The following PPP2R2B variants were observed in gnomAD, a reference collection of about 807,000 sequenced individuals.
PPP2R2B encodes serine/threonine-protein phosphatase 2A 55 kDa regulatory subunit B beta isoform.
Under a neutral mutation model 46.0 loss-of-function variants are expected in PPP2R2B, and 5 were observed. That is an observed-to-expected ratio of 0.11 (90% CI 0.06 to 0.23). The LOEUF (loss-of-function observed/expected upper bound fraction) is 0.23. PPP2R2B is among the 10% of genes least tolerant of loss of function. PPP2R2B has a pLI of 1.00. For missense variants in PPP2R2B, 367 were observed against 575.0 expected (o/e 0.64, Z 3.70); for synonymous variants, 215 against 206.7 (o/e 1.04, Z -0.34).
intron 5 of PPP2R2B, among the ~76,000 whole-genome samples, chr5:146,680,779 A>G (rs1778117899): frequency 6.6e-6 from 1 of 152,234 alleles, no homozygotes; most frequent in East Asian, 1.9e-4. Flanking sequence ...TTACAAGAGC[A>G]TGACCCACCT....
At chr5:147,076,540 ATTGT>A (rs1410398542) in intron 2 of PPP2R2B, among the ~76,000 whole-genome samples, 1 of 152,194 alleles carries the variant, frequency 6.6e-6, no homozygotes, top group Non-Finnish European at 1.5e-5. Context: ...CTGAGAATAT[ATTGT>A]TTAAGTAATC....
intron 2 of PPP2R2B, among the ~76,000 whole-genome samples, chr5:146,748,087 C>T (rs896029683): frequency 6.6e-6 from 1 of 152,158 alleles, no homozygotes; most frequent in Non-Finnish European, 1.5e-5. Context: ...AGCATTGTAA[C>T]TGCATGACCT....
upstream of PPP2R2B, among the ~76,000 whole-genome samples, chr5:147,058,861 G>A (rs888079855): frequency 2.0e-5 from 3 of 152,108 alleles, no homozygotes; most frequent in Non-Finnish European, 4.4e-5. Context: ...TTATCCACAG[G>A]AGATCTCATA....
At chr5:146,816,940 T>G (rs1338679963) in intron 2 of PPP2R2B, among the ~76,000 whole-genome samples, 3 of 152,226 alleles carry the variant, frequency 2.0e-5, no homozygotes, top group Admixed American at 6.5e-5. Flanking sequence ...CAGATTTCTA[T>G]CAATGCTGTC....
chr5:146,698,648 G>A (rs1483268874), intron 3 of PPP2R2B, among the ~76,000 whole-genome samples: 1 of 151,812 alleles, frequency 6.6e-6, no homozygotes, highest in Non-Finnish European at 1.5e-5. Flanking sequence ...AGGTAGGGTG[G>A]GGCAAGGAAA....
At chr5:146,757,495 G>T (rs1262924465) in intron 2 of PPP2R2B, among the ~76,000 whole-genome samples, 1 of 152,124 alleles carries the variant, frequency 6.6e-6, no homozygotes, top group Non-Finnish European at 1.5e-5. Context: ...AGGAAAATGG[G>T]TGGAAGGCGA....
chr5:146,682,510 C>T (rs1561829287), intron 5 of PPP2R2B, among the ~76,000 whole-genome samples: 1 of 152,176 alleles, frequency 6.6e-6, no homozygotes, highest in African/African-American at 2.4e-5. Flanking sequence ...AAAAATATGG[C>T]TGTGCCACTT....
chr5:146,754,292 C>T (rs1369128344), intron 2 of PPP2R2B, among the ~76,000 whole-genome samples: 1 of 152,168 alleles, frequency 6.6e-6, no homozygotes, highest in Non-Finnish European at 1.5e-5. Context: ...ATTGCTGTGT[C>T]ATCTGCAGAA....
intron 2 of PPP2R2B, among the ~76,000 whole-genome samples, chr5:146,795,025 T>C (rs887178797): frequency 2.0e-5 from 3 of 152,144 alleles, no homozygotes; most frequent in Non-Finnish European, 4.4e-5. Flanking sequence ...AATCACATTA[T>C]ATTAAATACT....
At position 146,697,964 on chromosome 5, in the gene PPP2R2B, A is replaced by C; in HGVS notation, c.334+15T>G. The C allele has an allele frequency of 6.2e-7, 1 of 1,600,250 alleles. No individual in the cohort carries two copies. Among genetic ancestry groups the C allele is most frequent in the Non-Finnish European group, 8.5e-7 (1 of 1,174,270 alleles). ...GACTGTATCTCTGAAAATACCAAAC[A>C]GGAATTCCACCTACCATTAGTAGAC... On this transcript the variant is annotated intron_variant, in intron 4 of 9. Transcript: ENST00000394411.
At chr5:146,814,978 G>A (rs903243941) in intron 2 of PPP2R2B, among the ~76,000 whole-genome samples, 5 of 152,186 alleles carry the variant, frequency 3.3e-5, no homozygotes, top group Admixed American at 6.5e-5. Context: ...TGAGGTTGCT[G>A]TAGACCTGTA....
intron 5 of PPP2R2B, among the ~76,000 whole-genome samples, chr5:146,676,852 G>T (rs545985402): frequency 2.6e-5 from 4 of 152,190 alleles, no homozygotes; most frequent in Non-Finnish European, 4.4e-5. Flanking sequence ...AGAAACCGAG[G>T]TGGTGCTTAT....
chr5:147,069,785 G>GTTTTTTTTTTTTTTTTTTTTTTT lies in PPP2R2B; in HGVS notation c.50+11251_50+11273dup, dbSNP rs540998224. 3.7e-4 allele frequency among the ~76,000 whole-genome samples: 24 copies of GTTTTTTTTTTTTTTTTTTTTTTT among 64,790 alleles called. 7 individuals carry two copies. The highest frequency in any genetic ancestry group is 1.4e-3 in the African/African-American group (19 of 13,262). The allele number at this position is 64,790 out of a possible 152,430, so 42.5% of individuals were successfully genotyped here. On this transcript the variant is annotated intron_variant, in intron 2 of 10. Transcript: ENST00000394413. ...CTCCCACATGAACACATTTTATACT[G>GTTTTTTTTTTTTTTTTTTTTTTT]TTTTTTTTTTTTTTTTTTTTTTTGA...
intron 2 of PPP2R2B, among the ~76,000 whole-genome samples, chr5:146,728,599 T>C (rs1752028734): frequency 1.3e-5 from 2 of 152,162 alleles, no homozygotes; most frequent in South Asian, 2.1e-4. Flanking sequence ...GTGTCCCCAC[T>C]GAAATCTCAA....
chr5:146,703,516 T>C (rs1185513389), intron 2 of PPP2R2B, among the ~76,000 whole-genome samples: 1 of 152,152 alleles, frequency 6.6e-6, no homozygotes, highest in Non-Finnish European at 1.5e-5. Flanking sequence ...GAACTAAAGA[T>C]GGGCCTTTCC....
intron 6 of PPP2R2B, among the ~76,000 whole-genome samples, chr5:146,644,588 T>C (rs1389243823): frequency 2.0e-5 from 3 of 152,164 alleles, no homozygotes; most frequent in African/African-American, 7.2e-5. Flanking sequence ...TGAGATAATA[T>C]TGTGAAAAAT....
intron 2 of PPP2R2B, among the ~76,000 whole-genome samples, chr5:146,761,263 C>A (rs868451979): frequency 6.6e-6 from 1 of 152,254 alleles, no homozygotes; most frequent in Non-Finnish European, 1.5e-5. Flanking sequence ...TGGAACCAAC[C>A]CAAATGTCCA....
chr5:146,705,803 A>T (rs183185195), intron 2 of PPP2R2B, among the ~76,000 whole-genome samples: 147 of 152,346 alleles, frequency 9.6e-4, no homozygotes, highest in Non-Finnish European at 1.7e-3. Flanking sequence ...TACTGGGATT[A>T]TGCCAAGATG....
rs192649889 is a variant in PPP2R2B, at chr5:146,989,542, T to G, written c.79+66123A>C. Among the ~76,000 whole-genome samples the G allele has an allele frequency of 1.8e-4, 27 of 152,138 alleles. No homozygotes were observed. In the East Asian group the frequency reaches 4.6e-3, roughly 26 times the overall value. ...ATGCTGAAAAAGCCTTCAATAAAAT[T>G]CAACATCTATTCATGATAAGAACTT... On this transcript the variant is annotated intron_variant, in intron 1 of 8. Coordinates refer to the PPP2R2B transcript ENST00000336640.
Sources: allele counts gnomAD v4.1 joint callset (sites outside exome capture counted in the v4.1 genomes callset), GRCh38; gene constraint gnomAD v4.1.1; transcripts MANE v1.5; gene names NCBI Gene and HGNC (gene_info 2026-07-23, HGNC 2026-07-21).